MIGA2: variants seen among roughly 807,000 people sequenced by gnomAD.
The protein encoded by MIGA2 is mitoguardin 2.
A neutral mutation model predicts 69.9 loss-of-function variants in MIGA2; 36 were observed. That is an observed-to-expected ratio of 0.52 (90% CI 0.39 to 0.68). The LOEUF (loss-of-function observed/expected upper bound fraction) is 0.68, where lower values mean the gene tolerates loss of function less well. Ranked by LOEUF, MIGA2 falls within the 30% of genes least tolerant of loss-of-function variation. The pLI, the probability that MIGA2 is intolerant of heterozygous loss-of-function variation, is 0.00. For synonymous variants in MIGA2, 333 were observed against 349.2 expected (o/e 0.95, Z 0.52); for missense variants, 660 against 787.7 (o/e 0.84, Z 1.94).
In MIGA2 at chr9:129,071,911, G is replaced by A. The variant is rs1033478229; in HGVS notation, c.*1458G>A. 1 of 152,724 alleles carries A rather than the reference G, an allele frequency of 6.5e-6. No individual in the cohort carries two copies. The highest frequency in any genetic ancestry group is 1.5e-5 in the Non-Finnish European group (1 of 68,052). The allele number at this position is 152,724 out of a possible 1,614,324, so 9.5% of individuals were successfully genotyped here. A position where few individuals can be genotyped will look rare whatever the true frequency, so the allele number is the denominator to read the frequency against. On this transcript the variant is annotated 3_prime_UTR_variant, in exon 16 of 16. Coordinates refer to ENST00000684074, the MANE Select transcript of MIGA2 (RefSeq NM_001329990.2). ...TTCTTTTGCACTTACCCTGTGCTGT[G>A]AATGTAACAGTGGGCCTTGGCCCCG...
rs758081527 is a variant in MIGA2 at position 129,070,397 on chromosome 9, G to T, written c.1726G>T (p.Ala576Ser). 6.2e-7 allele frequency: 1 copy of T among 1,611,060 alleles called. No individual in the cohort carries two copies. The highest frequency in any genetic ancestry group is 8.5e-7 in the Non-Finnish European group (1 of 1,178,976). ...GYLGVPAASS[A>S]GVNGALPREN... is the part of the protein sequence containing the mutation. ...CCTGGGGGTGCCCGCGGCCAGCAGC[G>T]CAGGCGTGAATGGGGCGCTGCCCCG... The change falls in exon 16 of 16, where the codon GCA (alanine) becomes TCA (serine). Residue 576 changes from alanine to serine, a missense_variant. Ala to Ser is a moderately conservative substitution (Grantham distance 99). Transcript: ENST00000684074.
In MIGA2 at chr9:129,040,701, G is replaced by A. The variant is rs2131338589; in HGVS notation, c.96+11G>A. ...ACGACGTTTGGGCAGGTAAGGATCA[G>A]GGTGGGTTGTACCTCTGGTCTATGA... On this transcript the variant is annotated intron_variant, in intron 2 of 15. Transcript: ENST00000684074. 6.2e-7 allele frequency: 1 copy of A among 1,611,456 alleles called. No homozygotes were observed. Among genetic ancestry groups the A allele is most frequent in the African/African-American group, 1.3e-5 (1 of 75,036 alleles).
rs984861371 is a variant in MIGA2, at chr9:129,071,449, G to C, written c.*996G>C. 6.6e-6 allele frequency: 1 copy of C among 152,418 alleles called. No homozygotes were observed. Among genetic ancestry groups the C allele is most frequent in the South Asian group, 2.1e-4 (1 of 4,840 alleles). 9.4% of individuals were successfully genotyped at this position (152,418 alleles called of 1,614,324 possible). Reference sequence around the variant, plus strand: ...CGACGTCCCCCCGCCGCGGGGTCCTGTCAGCCCGGCAGTGTCTTCTCAGTG... The same window carrying C: ...CGACGTCCCCCCGCCGCGGGGTCCTCTCAGCCCGGCAGTGTCTTCTCAGTG... On this transcript the variant is annotated 3_prime_UTR_variant, in exon 16 of 16. Transcript: ENST00000684074.
chr9:129,070,184 AC>A (rs1474894482), intron 15 of MIGA2, 62 bp from the exon 16 acceptor site: 5 of 1,571,078 alleles, frequency 3.2e-6, no homozygotes, highest in African/African-American at 1.3e-5. Flanking sequence ...ACTTCAGGTA[AC>A]CTGGGGGGCA....
At chr9:129,053,764 T>A (rs1845665829) in intron 6 of MIGA2, among the ~76,000 whole-genome samples, 1 of 152,130 alleles carries the variant, frequency 6.6e-6, no homozygotes. Flanking sequence ...GGTGGGAGGA[T>A]TGTTTGAGCC....
At chr9:129,037,221 C>T (rs1409402998) in intron 1 of MIGA2, among the ~76,000 whole-genome samples, 2 of 151,868 alleles carry the variant, frequency 1.3e-5, no homozygotes, top group South Asian at 2.1e-4. Flanking sequence ...GAGTCGGGGA[C>T]GTTGTTGGGG....
intron 2 of MIGA2, among the ~76,000 whole-genome samples, chr9:129,041,971 T>G (rs1325481245): frequency 1.3e-5 from 2 of 152,186 alleles, no homozygotes; most frequent in African/African-American, 2.4e-5. Context: ...TGACAGGGAC[T>G]CAGATGGGTA....
In MIGA2 at chr9:129,061,141, G is replaced by A. The variant is rs1025530369; in HGVS notation, c.895-90G>A. 8.1e-6 allele frequency: 9 copies of A among 1,113,528 alleles called. No homozygotes were observed. The highest frequency in any genetic ancestry group is 3.1e-5 in the African/African-American group (2 of 64,530). The allele number at this position is 1,113,528 out of a possible 1,614,324, so 69.0% of individuals were successfully genotyped here. ...CAGTGGGCAGGCACCTGGGGTGGCC[G>A]CTGTGGCCGACCAATGGGCAGGTGC... is the stretch of plus-strand genomic sequence containing the variant. On this transcript the variant is annotated intron_variant, in intron 8 of 15. Transcript: ENST00000684074. The surrounding 1 kb of genome is among the most constrained non-coding windows in gnomAD (Gnocchi z 5.0).
chr9:129,063,620 A>C lies in MIGA2; in HGVS notation c.1159A>C (p.Lys387Gln). The C allele has an allele frequency of 8.2e-7, 1 of 1,221,914 alleles. No individual in the cohort carries two copies. Among genetic ancestry groups the C allele is most frequent in the African/African-American group, 1.6e-5 (1 of 64,070 alleles). The allele number at this position is 1,221,914 out of a possible 1,614,324, so 75.7% of individuals were successfully genotyped here. A position where few individuals can be genotyped will look rare whatever the true frequency, so the allele number is the denominator to read the frequency against. Reference protein sequence around the residue: ...GRQMVTGLMTKAEKSPKGFLE... With the variant: ...GRQMVTGLMTQAEKSPKGFLE... ...ACAGATGGTGACAGGCCTGATGACC[A>C]AGGCTGAGAAGGTAGCAGGGGGTGG... is the stretch of plus-strand genomic sequence containing the variant. The change falls in exon 11 of 16, where the codon AAG becomes CAG. Residue 387 changes from lysine (K) to glutamine (Q), a missense_variant. Around this residue, in one of 3 missense-constraint regions of MIGA2, gnomAD observed 220 missense variants for 301.7 expected, o/e 0.73. Transcript: ENST00000684074.
chr9:129,039,245 T>A (rs1174042896), intron 1 of MIGA2, among the ~76,000 whole-genome samples: 1 of 151,586 alleles, frequency 6.6e-6, no homozygotes, highest in African/African-American at 2.4e-5. Flanking sequence ...TTTTTTTGTT[T>A]TTTATTTATT....
Position 129,042,376 on chromosome 9 carries a change from G to A in MIGA2, c.169G>A (p.Ala57Thr). The change falls in exon 3 of 16, where the codon GCC becomes ACC. Residue 57 changes from alanine (A) to threonine (T), a missense_variant. This residue lies in a region of MIGA2 where 54 missense variants were observed against 84.0 expected (regional missense o/e 0.64). Coordinates refer to ENST00000684074, the MANE Select transcript of MIGA2 (RefSeq NM_001329990.2). ...VLFATALGTV[A>T]LALAAHQLKR... ...CTTTGCCACGGCCCTGGGGACTGTG[G>A]CCCTGGCCCTGGCTGCCCACCAGCT... The A allele has an allele frequency of 1.9e-6, 3 of 1,613,670 alleles. No homozygotes were observed. The highest frequency in any genetic ancestry group is 2.2e-5 in the South Asian group (2 of 91,056).
At chr9:129,047,490 G>A (rs1845289557) in intron 3 of MIGA2, among the ~76,000 whole-genome samples, 1 of 151,698 alleles carries the variant, frequency 6.6e-6, no homozygotes, top group Non-Finnish European at 1.5e-5. Context: ...TTGGCTCACT[G>A]CAACCTCCGT....
chr9:129,061,945 C>G lies in MIGA2; in HGVS notation c.1010+599C>G, dbSNP rs1288824230. 6.6e-6 allele frequency among the ~76,000 whole-genome samples: 1 copy of G among 151,748 alleles called. No individual in the cohort carries two copies. The highest frequency in any genetic ancestry group is 6.6e-5 in the Admixed American group (1 of 15,250). ...GTCTGTGGTTATGTTTAGGCCTCTT[C>G]ACTATCTTATATTAACGTTATTATT... On this transcript the variant is annotated intron_variant, in intron 9 of 15. Coordinates refer to ENST00000684074, the MANE Select transcript of MIGA2 (RefSeq NM_001329990.2). This position sits in a 1 kb window ranked among gnomAD's most constrained non-coding sequence, Gnocchi z 5.0.
rs568944906 is a variant in MIGA2 at position 129,039,573 on chromosome 9, T to A, written c.-143-879T>A. ...TTATTTTATTATTATTATTATTATT[T>A]TTTGAGACAGAGTTTTGCTCTGTAG... On this transcript the variant is annotated intron_variant, in intron 1 of 15. Transcript: ENST00000684074. 7.3e-5 allele frequency among the ~76,000 whole-genome samples: 11 copies of A among 151,720 alleles called. No homozygotes were observed. The South Asian group carries it at 1.0e-3, about 14-fold the overall frequency.
At chr9:129,041,743 G>A (rs1454618114) in intron 2 of MIGA2, among the ~76,000 whole-genome samples, 1 of 152,198 alleles carries the variant, frequency 6.6e-6, no homozygotes, top group Non-Finnish European at 1.5e-5. Context: ...GATCTGCCTT[G>A]TGGGGTACAG....
At chr9:129,051,284 AT>A (rs747480607) in intron 6 of MIGA2, 1,856 of 158,896 alleles carry the variant, frequency 0.012, 1 homozygote, top group South Asian at 0.022. Flanking sequence ...TTATTTATTT[AT>A]TTTTTTTTTT....
intron 11 of MIGA2, among the ~76,000 whole-genome samples, chr9:129,066,755 C>T (rs536983369): frequency 1.3e-5 from 2 of 150,382 alleles, no homozygotes; most frequent in African/African-American, 2.5e-5. Flanking sequence ...GTCAGGAGTT[C>T]GAGACCATCC....
intron 9 of MIGA2, among the ~76,000 whole-genome samples, chr9:129,062,411 A>G (rs574463842): frequency 2.1e-4 from 32 of 151,760 alleles, no homozygotes; most frequent in African/African-American, 7.5e-4. Flanking sequence ...ACATACCTGT[A>G]GTCCCAGCTA....
Position 129,059,420 on chromosome 9 carries a change from T to TTAA in MIGA2, c.793+151_793+152insATA. 1 of 632,100 alleles carries TTAA rather than the reference T, an allele frequency of 1.6e-6. No individual in the cohort carries two copies. The highest frequency in any genetic ancestry group is 1.9e-5 in the South Asian group (1 of 52,680). 39.2% of individuals were successfully genotyped at this position (632,100 alleles called of 1,614,324 possible). On this transcript the variant is annotated intron_variant, in intron 7 of 15. Coordinates refer to ENST00000684074, the MANE Select transcript of MIGA2 (RefSeq NM_001329990.2). This position sits in a 1 kb window ranked among gnomAD's most constrained non-coding sequence, Gnocchi z 5.6. The stretch of plus-strand genomic sequence containing the variant: ...CTCCGACCTCGCGTGATCCAGCACC[T>TTAA]TATGGCACAGATGGGGAAACTGAGG...
Sources: gnomAD v4.1 joint callset for allele counts (sites outside exome capture counted in the v4.1 genomes callset) on GRCh38, gnomAD v4.1.1 for gene constraint, gnomAD v4.1.1 regional missense constraint, Gnocchi (gnomAD v3.1) non-coding constraint, MANE v1.5 for transcripts, NCBI Gene and HGNC (gene_info 2026-07-23, HGNC 2026-07-21) for gene names.